The following UBQLN1 variants were observed in gnomAD, a reference collection of about 807,000 sequenced individuals.
The protein encoded by UBQLN1 is ubiquilin 1.
Under a neutral mutation model 65.4 loss-of-function variants are expected in UBQLN1, and 13 were observed. The observed-to-expected ratio is 0.20, with a 90% CI of 0.13 to 0.32. The LOEUF is 0.32. UBQLN1 is among the 10% of genes least tolerant of loss of function. UBQLN1 has a pLI of 1.00. For synonymous variants in UBQLN1, 267 were observed against 247.8 expected (o/e 1.08, Z -0.73); for missense variants, 561 against 724.0 (o/e 0.77, Z 2.58).
intron 6 of UBQLN1, among the ~76,000 whole-genome samples, chr9:83,676,174 C>T (rs1282452174): frequency 6.6e-6 from 1 of 152,166 alleles, no homozygotes; most frequent in East Asian, 1.9e-4. Context: ...CATCAAATGT[C>T]ACAGTTGAGT....
chr9:83,680,794 G>A (rs1294669861), intron 3 of UBQLN1, among the ~76,000 whole-genome samples: 1 of 152,220 alleles, frequency 6.6e-6, no homozygotes. Context: ...GAGGAGGTCA[G>A]GGGAACCCCC....
intron 10 of UBQLN1, among the ~76,000 whole-genome samples, chr9:83,663,112 A>G (rs1831588022): frequency 6.7e-6 from 1 of 149,786 alleles, no homozygotes; most frequent in Non-Finnish European, 1.5e-5. Context: ...AAGAGGAAAA[A>G]GGGGAAAGGG....
At chr9:83,688,182 C>T (rs377309746) in intron 1 of UBQLN1, among the ~76,000 whole-genome samples, 2 of 152,162 alleles carry the variant, frequency 1.3e-5, no homozygotes, top group East Asian at 3.9e-4. Flanking sequence ...GGTATATAGG[C>T]AGTAGTCAAT....
At chr9:83,668,473 T>C (rs1468604912) in intron 7 of UBQLN1, 9 of 985,244 alleles carry the variant, frequency 9.1e-6, no homozygotes, top group Non-Finnish European at 9.6e-6. Flanking sequence ...GGAACCTAGA[T>C]AGTACCTAGG....
intron 6 of UBQLN1, among the ~76,000 whole-genome samples, chr9:83,672,321 T>G (rs995123792): frequency 1.3e-5 from 2 of 152,242 alleles, no homozygotes; most frequent in African/African-American, 4.8e-5. Context: ...CTTGGCTGTT[T>G]GGTGCAAGAG....
At chr9:83,672,627 C>T (rs1831752517) in intron 6 of UBQLN1, among the ~76,000 whole-genome samples, 1 of 152,118 alleles carries the variant, frequency 6.6e-6, no homozygotes, top group South Asian at 2.1e-4. Flanking sequence ...AAAACAATTA[C>T]TAAAGTAACA....
intron 7 of UBQLN1, chr9:83,667,961 A>G (rs1225790636): frequency 7.1e-6 from 7 of 985,182 alleles, no homozygotes; most frequent in South Asian, 4.7e-5. Flanking sequence ...TCACTTTACT[A>G]AAGTAAGATT....
chr9:83,665,215 C>G, intron 8 of UBQLN1, 70 bp from the exon 9 acceptor site: 1 of 1,142,154 alleles, frequency 8.8e-7, no homozygotes, highest in South Asian at 1.4e-5. Flanking sequence ...TAAATCTTTT[C>G]TCTGTTATGC....
intron 10 of UBQLN1, among the ~76,000 whole-genome samples, chr9:83,662,161 C>G (rs558824801): frequency 6.6e-6 from 1 of 151,924 alleles, no homozygotes; most frequent in Non-Finnish European, 1.5e-5. Flanking sequence ...AAATAGATCA[C>G]GACTCTACTT....
intron 1 of UBQLN1, among the ~76,000 whole-genome samples, chr9:83,700,720 CAGGCAGGAAAAAA>C (rs1478984093): frequency 6.6e-6 from 1 of 152,074 alleles, no homozygotes; most frequent in Admixed American, 6.5e-5. Context: ...CAGAAGTCCT[CAGGCAGGAAAAAA>C]AGTATTAACA....
At chr9:83,669,428 C>G in intron 6 of UBQLN1, 101 bp from the exon 7 acceptor site, 1 of 1,115,338 alleles carries the variant, frequency 9.0e-7, no homozygotes, top group Non-Finnish European at 1.2e-6. Context: ...TCACCAAGTA[C>G]AAATGATTAT....
chr9:83,679,031 T>C (rs1350907450), intron 4 of UBQLN1, among the ~76,000 whole-genome samples: 2 of 152,180 alleles, frequency 1.3e-5, no homozygotes, highest in African/African-American at 4.8e-5. Context: ...AGGAGGCCAC[T>C]GTTTTGGACC....
At chr9:83,687,865 AACACAAAACTATAC>A (rs1832065173) in intron 1 of UBQLN1, among the ~76,000 whole-genome samples, 1 of 152,222 alleles carries the variant, frequency 6.6e-6, no homozygotes, top group African/African-American at 2.4e-5. Flanking sequence ...GCATAAAGAT[AACACAAAACTATAC>A]TTCAGTAAAT....
chr9:83,702,279 T>C (rs1832321908), intron 1 of UBQLN1, among the ~76,000 whole-genome samples: 1 of 152,208 alleles, frequency 6.6e-6, no homozygotes, highest in Non-Finnish European at 1.5e-5. Flanking sequence ...AATGGTGAAC[T>C]GTATGGTAGG....
At chr9:83,669,012 TA>T in intron 7 of UBQLN1, 172 bp downstream of exon 7, 1 of 692,402 alleles carries the variant, frequency 1.4e-6, no homozygotes, top group Non-Finnish European at 2.2e-6. Flanking sequence ...ACATATGAAG[TA>T]TTAATTTACT....
chr9:83,681,523 A>G (rs994062459), intron 3 of UBQLN1, among the ~76,000 whole-genome samples: 2 of 152,214 alleles, frequency 1.3e-5, no homozygotes, highest in Non-Finnish European at 2.9e-5. Context: ...AAGAGATAAC[A>G]CTTAATGAGT....
intron 2 of UBQLN1, among the ~76,000 whole-genome samples, chr9:83,684,657 C>A (rs1219905354): frequency 6.6e-6 from 1 of 151,844 alleles, no homozygotes; most frequent in East Asian, 2.0e-4. Context: ...ATCAAAAATA[C>A]AAAATTAGCC....
In UBQLN1 at chr9:83,680,053, G is replaced by A. The variant is rs760864830; in HGVS notation, c.449-16C>T. 1 of 1,579,972 alleles carries A rather than the reference G, an allele frequency of 6.3e-7. No individual in the cohort carries two copies. The highest frequency in any genetic ancestry group is 1.9e-5 in the Admixed American group (1 of 53,844). On this transcript the variant is annotated splice_polypyrimidine_tract_variant and intron_variant, in intron 3 of 10. Transcript: ENST00000376395. ...CCAAGGCCACCTAAGAGGATAAAGG[G>A]CAAAAACATACAAATCAAAGTCAGA... is the stretch of plus-strand genomic sequence containing the variant.
At chr9:83,696,677 T>A (rs1233830656) in intron 1 of UBQLN1, among the ~76,000 whole-genome samples, 6 of 151,560 alleles carry the variant, frequency 4.0e-5, no homozygotes, top group African/African-American at 1.5e-4. Context: ...AGGTACAAAA[T>A]ATTGCAGATA....
Sources: allele counts gnomAD v4.1 joint callset (sites outside exome capture counted in the v4.1 genomes callset), GRCh38; gene constraint gnomAD v4.1.1; transcripts MANE v1.5; gene names NCBI Gene and HGNC (gene_info 2026-07-23, HGNC 2026-07-21).